ESRRG: variants seen among roughly 807,000 people sequenced by gnomAD.
The protein encoded by ESRRG is estrogen related receptor gamma, also known as estrogen-related receptor gamma.
ESRRG carries 13 observed loss-of-function variants against 44.0 expected under a neutral mutation model. The ratio of observed to expected loss-of-function variants is 0.30; its 90% CI spans 0.19 to 0.47. The LOEUF is 0.47. ESRRG is among the 20% of genes least tolerant of loss of function. The pLI is 1.00. For synonymous variants in ESRRG, 215 were observed against 214.6 expected (o/e 1.00, Z -0.02); for missense variants, 395 against 580.6 (o/e 0.68, Z 3.29).
chr1:216,851,879 C>T (rs1364190980), intron 2 of ESRRG, among the ~76,000 whole-genome samples: 4 of 151,820 alleles, frequency 2.6e-5, no homozygotes, highest in African/African-American at 9.7e-5. Context: ...GAAAAATCAC[C>T]CAAGTGGGGC....
intron 6 of ESRRG, among the ~76,000 whole-genome samples, chr1:216,512,583 A>G (rs1000129174): frequency 6.6e-6 from 1 of 152,172 alleles, no homozygotes; most frequent in Non-Finnish European, 1.5e-5. Context: ...GATAGTGATT[A>G]CTTTTGTGGG....
chr1:217,012,386 A>G (rs76755963), intron 1 of ESRRG, among the ~76,000 whole-genome samples: 228 of 152,334 alleles, frequency 1.5e-3, no homozygotes, highest in African/African-American at 5.1e-3. Flanking sequence ...CAAACTCTCA[A>G]TGCATAAAAT....
At chr1:216,572,188 G>T (rs1366559585) in intron 3 of ESRRG, among the ~76,000 whole-genome samples, 1 of 152,024 alleles carries the variant, frequency 6.6e-6, no homozygotes, top group Non-Finnish European at 1.5e-5. Context: ...TGAAATGTTT[G>T]AACCAAAATC....
chr1:216,659,939 CATTT>C (rs1442806705), intron 2 of ESRRG, among the ~76,000 whole-genome samples: 2 of 152,158 alleles, frequency 1.3e-5, no homozygotes, highest in African/African-American at 2.4e-5. Flanking sequence ...AGGAAACATT[CATTT>C]GTCAACTTAA....
chr1:216,583,198 A>G (rs1399185806), intron 3 of ESRRG, among the ~76,000 whole-genome samples: 1 of 152,250 alleles, frequency 6.6e-6, no homozygotes, highest in Admixed American at 6.5e-5. Context: ...CATGACACAT[A>G]CTGGATGGCC....
chr1:216,723,414 G>C lies in ESRRG; in HGVS notation c.-115C>G. 1 of 933,412 alleles carries C rather than the reference G, an allele frequency of 1.1e-6. No homozygotes were observed. Among genetic ancestry groups the C allele is most frequent in the Non-Finnish European group, 1.7e-6 (1 of 576,526 alleles). 57.8% of individuals were successfully genotyped at this position (933,412 alleles called of 1,614,324 possible). Reference sequence around the variant, plus strand: ...AGTGACAAGCCTATAGGCACAGCCAGTTGGGACCAAAGCTCTCACACTCTC... The same window carrying C: ...AGTGACAAGCCTATAGGCACAGCCACTTGGGACCAAAGCTCTCACACTCTC... On this transcript the variant is annotated 5_prime_UTR_variant, in exon 1 of 7. Coordinates refer to ENST00000408911, the MANE Select transcript of ESRRG (RefSeq NM_001438.4).
chr1:216,933,732 A>G (rs1045667563), intron 2 of ESRRG, among the ~76,000 whole-genome samples: 13 of 152,236 alleles, frequency 8.5e-5, no homozygotes, highest in Non-Finnish European at 1.6e-4. Context: ...TTAAATTATA[A>G]CTGGATCACA....
chr1:217,022,098 G>T (rs572312475), intron 1 of ESRRG, among the ~76,000 whole-genome samples: 2 of 152,282 alleles, frequency 1.3e-5, no homozygotes, highest in Admixed American at 1.3e-4. Flanking sequence ...GCCTGAAGAG[G>T]TCTGAGAGTT....
chr1:216,519,345 G>A lies in ESRRG; in HGVS notation c.939C>T (p.Val313=), dbSNP rs749435501. ...CCTCAAACGAAAGAGACCGGTATAC[G>A]ACACCAAGGATCAAAATTTCCATCC... ...SAWMEILILG[V]VYRSLSFEDE... The change falls in exon 6 of 7, where the codon GTC becomes GTT. Residue 313 remains valine, a synonymous_variant. Coordinates refer to ENST00000408911, the MANE Select transcript of ESRRG (RefSeq NM_001438.4). 1.1e-5 allele frequency: 18 copies of A among 1,613,460 alleles called. No homozygotes were observed. Among genetic ancestry groups the A allele is most frequent in the East Asian group, 2.2e-5 (1 of 44,872 alleles).
intron 5 of ESRRG, among the ~76,000 whole-genome samples, chr1:216,549,038 C>A (rs939230099): frequency 6.6e-6 from 1 of 152,050 alleles, no homozygotes; most frequent in Non-Finnish European, 1.5e-5. Flanking sequence ...TAGAACATGA[C>A]AAATCTGTCA....
At chr1:216,575,126 G>C (rs1484472168) in intron 3 of ESRRG, among the ~76,000 whole-genome samples, 1 of 152,114 alleles carries the variant, frequency 6.6e-6, no homozygotes, top group Admixed American at 6.6e-5. Context: ...TCCTGAGAGA[G>C]TGTACCAGTT....
chr1:216,630,612 C>T (rs1225869283), intron 3 of ESRRG, among the ~76,000 whole-genome samples: 2 of 152,152 alleles, frequency 1.3e-5, no homozygotes, highest in African/African-American at 4.8e-5. Context: ...ATAGTGTGCA[C>T]AGCTATAATA....
intron 1 of ESRRG, among the ~76,000 whole-genome samples, chr1:217,039,225 A>G (rs2083421237): frequency 6.6e-6 from 1 of 151,888 alleles, no homozygotes; most frequent in South Asian, 2.1e-4. Flanking sequence ...AGCCCTCCAA[A>G]CTGTTCCAAC....
At chr1:216,978,352 G>A (rs11572460) in intron 1 of ESRRG, among the ~76,000 whole-genome samples, 2,314 of 152,240 alleles carry the variant, frequency 0.015, 40 homozygotes, top group African/African-American at 0.048. Flanking sequence ...AGCTGGCAAG[G>A]CAGAAAATAT....
In ESRRG at chr1:217,087,276, G is replaced by A. The variant is rs1009671323; in HGVS notation, c.-106+2231C>T. Reference sequence around the variant, plus strand: ...CCTAGGAGCCCTTCAGCTGTCTGCCGGGTTAGTTATACCTTATCTTGCTGC... The same window carrying A: ...CCTAGGAGCCCTTCAGCTGTCTGCCAGGTTAGTTATACCTTATCTTGCTGC... On this transcript the variant is annotated intron_variant, in intron 1 of 7. Coordinates refer to the ESRRG transcript ENST00000359162. Among the ~76,000 whole-genome samples, 7 of 152,132 alleles carry A rather than the reference G, an allele frequency of 4.6e-5. No homozygotes were observed. In the South Asian group the frequency reaches 6.2e-4, roughly 14 times the overall value.
intron 3 of ESRRG, among the ~76,000 whole-genome samples, chr1:216,613,752 T>C (rs1196615016): frequency 2.0e-5 from 3 of 152,254 alleles, no homozygotes; most frequent in Non-Finnish European, 2.9e-5. Context: ...TTTATCATTC[T>C]TCTTTTTCTT....
At chr1:217,023,211 T>G (rs1313424743) in intron 1 of ESRRG, among the ~76,000 whole-genome samples, 1 of 152,270 alleles carries the variant, frequency 6.6e-6, no homozygotes, top group Admixed American at 6.5e-5. Flanking sequence ...TTCCTGCAAT[T>G]TACCTCTCCA....
chr1:217,044,586 A>G (rs769083784), intron 1 of ESRRG, among the ~76,000 whole-genome samples: 1 of 152,174 alleles, frequency 6.6e-6, no homozygotes, highest in Non-Finnish European at 1.5e-5. Context: ...CAGTGAGACT[A>G]AAGGGCAATT....
chr1:216,623,940 C>T (rs914584119), intron 3 of ESRRG, among the ~76,000 whole-genome samples: 1 of 151,648 alleles, frequency 6.6e-6, no homozygotes, highest in Non-Finnish European at 1.5e-5. Context: ...TCCAAATGTA[C>T]TACACCAGTG....
Sources: allele counts gnomAD v4.1 joint callset (sites outside exome capture counted in the v4.1 genomes callset), GRCh38; gene constraint gnomAD v4.1.1; transcripts MANE v1.5; gene names NCBI Gene and HGNC (gene_info 2026-07-23, HGNC 2026-07-21).